RCVRN: variants seen among roughly 807,000 people sequenced by gnomAD.
RCVRN encodes recoverin.
In RCVRN, 23 loss-of-function variants were observed where a neutral mutation model predicts 20.4. The observed-to-expected ratio is 1.13, with a 90% CI of 0.81 to 1.60. The LOEUF (loss-of-function observed/expected upper bound fraction) is 1.60. Among genes scored for constraint, RCVRN ranks in the 40% most tolerant of loss-of-function variants. RCVRN has a pLI of 0.00. For missense variants in RCVRN, 254 were observed against 254.2 expected (o/e 1.00, Z 0.00); for synonymous variants, 105 against 105.9 (o/e 0.99, Z 0.05).
Position 9,898,000 on chromosome 17 carries a change from GCGCGCGCGTGTGTGTGCA to G in RCVRN, c.*77_*94del. 1 of 726,144 alleles carries G rather than the reference GCGCGCGCGTGTGTGTGCA, an allele frequency of 1.4e-6. No individual in the cohort carries two copies. Among genetic ancestry groups the G allele is most frequent in the Non-Finnish European group, 2.5e-6 (1 of 398,756 alleles). The allele number at this position is 726,144 out of a possible 1,614,324, so 45.0% of individuals were successfully genotyped here. On this transcript the variant is annotated 3_prime_UTR_variant, in exon 3 of 3. Coordinates refer to ENST00000226193, the MANE Select transcript of RCVRN (RefSeq NM_002903.3). ...GGGGTGGATGTGTGTGTGTGTGTGT[GCGCGCGCGTGTGTGTGCA>G]TGTGTGTGTGTGTGCACAGGCGCTC... is the stretch of plus-strand genomic sequence containing the variant.
Position 9,897,994 on chromosome 17 carries a change from G to T in RCVRN, c.*101C>A. On this transcript the variant is annotated 3_prime_UTR_variant, in exon 3 of 3. Transcript: ENST00000226193. ...GGCCCTGGGGTGGATGTGTGTGTGT[G>T]TGTGTGCGCGCGCGTGTGTGTGCAT... The T allele has an allele frequency of 1.3e-6, 1 of 753,330 alleles. No individual in the cohort carries two copies. Among genetic ancestry groups the T allele is most frequent in the South Asian group, 1.5e-5 (1 of 66,200 alleles). 46.7% of individuals were successfully genotyped at this position (753,330 alleles called of 1,614,324 possible).
At position 9,899,151 on chromosome 17, in the gene RCVRN, T is replaced by C. The variant is rs2067331366; in HGVS notation, c.494-947A>G. Among the ~76,000 whole-genome samples the C allele has an allele frequency of 6.6e-6, 1 of 152,178 alleles. No homozygotes were observed. The highest frequency in any genetic ancestry group is 1.5e-5 in the Non-Finnish European group (1 of 68,028). ...GACAGATGCTCCTTTCTGTTGTATG[T>C]TCACAGTGCCTAGCACAGAGTCGGT... is the stretch of plus-strand genomic sequence containing the variant. On this transcript the variant is annotated intron_variant, in intron 2 of 2. Transcript: ENST00000226193. The surrounding 1 kb of genome is among the most constrained non-coding windows in gnomAD (Gnocchi z 4.6).
intron 1 of RCVRN, among the ~76,000 whole-genome samples, chr17:9,903,684 G>T (rs990205052): frequency 2.6e-5 from 4 of 152,166 alleles, no homozygotes; most frequent in Non-Finnish European, 4.4e-5. Context: ...GTCACGTGTC[G>T]CTCAGAGACA....
In RCVRN at chr17:9,899,183, CA is replaced by C. The variant is rs2067331492; in HGVS notation, c.494-980del. 6.6e-6 allele frequency among the ~76,000 whole-genome samples: 1 copy of C among 152,212 alleles called. No individual in the cohort carries two copies. Among genetic ancestry groups the C allele is most frequent in the African/African-American group, 2.4e-5 (1 of 41,456 alleles). ...TGCCTAGCACAGAGTCGGTGCTCAA[CA>C]AAGCTTTGCTGAACTGAATGTGATT... is the stretch of plus-strand genomic sequence containing the variant. On this transcript the variant is annotated intron_variant, in intron 2 of 2. Transcript: ENST00000226193. The surrounding 1 kb of genome is among the most constrained non-coding windows in gnomAD (Gnocchi z 4.6).
Position 9,896,940 on chromosome 17 carries a change from T to G in RCVRN, c.*1155A>C, listed in dbSNP as rs896965746. 2 of 152,784 alleles carry G rather than the reference T, an allele frequency of 1.3e-5. No individual in the cohort carries two copies. Among genetic ancestry groups the G allele is most frequent in the African/African-American group, 4.8e-5 (2 of 41,444 alleles). The allele number at this position is 152,784 out of a possible 1,614,324, so 9.5% of individuals were successfully genotyped here. On this transcript the variant is annotated 3_prime_UTR_variant, in exon 3 of 3. Transcript: ENST00000226193. The stretch of plus-strand genomic sequence containing the variant: ...CCTCCTGCCCCCTCAGCCAGCCAGG[T>G]GGATGCTACCTCCTAAATGTGTCCT...
In RCVRN at chr17:9,901,098, A is replaced by G; in HGVS notation, c.384T>C (p.Ala128=). Residue 128 remains alanine (A), a splice_region_variant and synonymous_variant, in exon 2 of 3, where the codon GCT becomes GCC. Coordinates refer to ENST00000226193, the MANE Select transcript of RCVRN (RefSeq NM_002903.3). ...CCTCGGGAGTGATCATTTTGAAAAT[A>G]GCCTGTACCAAACAGAAAGAAAGAA... ...SKNEVLEIVM[A]IFKMITPEDV... 1 of 1,572,954 alleles carries G rather than the reference A, an allele frequency of 6.4e-7. No individual in the cohort carries two copies. Among genetic ancestry groups the G allele is most frequent in the Non-Finnish European group, 8.7e-7 (1 of 1,147,620 alleles).
At chr17:9,903,429 G>C (rs150745320) in intron 1 of RCVRN, among the ~76,000 whole-genome samples, 3 of 152,220 alleles carry the variant, frequency 2.0e-5, no homozygotes, top group Non-Finnish European at 4.4e-5. Context: ...GAGCCACGCC[G>C]CGCGTGGGAA....
chr17:9,897,903 G>C lies in RCVRN; in HGVS notation c.*192C>G, dbSNP rs934111834. ...AAGACCCAGGAAGAAGGAACCAGTGGGTCACTACAGATGCTTCAGTTTGGC... is the reference window on the plus strand; with the variant it reads ...AAGACCCAGGAAGAAGGAACCAGTGCGTCACTACAGATGCTTCAGTTTGGC... On this transcript the variant is annotated 3_prime_UTR_variant, in exon 3 of 3. Coordinates refer to ENST00000226193, the MANE Select transcript of RCVRN (RefSeq NM_002903.3). 1 of 578,756 alleles carries C rather than the reference G, an allele frequency of 1.7e-6. No individual in the cohort carries two copies. Among genetic ancestry groups the C allele is most frequent in the Non-Finnish European group, 3.1e-6 (1 of 323,388 alleles). The allele number at this position is 578,756 out of a possible 1,614,324, so 35.9% of individuals were successfully genotyped here.
chr17:9,904,987 T>C lies in RCVRN; in HGVS notation c.194A>G (p.Tyr65Cys), dbSNP rs1268046071. 1.2e-6 allele frequency: 2 copies of C among 1,613,988 alleles called. No individual in the cohort carries two copies. The highest frequency in any genetic ancestry group is 1.1e-5 in the South Asian group (1 of 91,076). ...GAAGCTGCGGAACACATGCTGGGCG[T>C]AGGCCTTGGGGTCGGTGTCGGGGAA... ...KFFPDTDPKA[Y>C]AQHVFRSFDS... Residue 65 changes from tyrosine to cysteine, a missense_variant, in exon 1 of 3, where the codon TAC (tyrosine) becomes TGC (cysteine). Physicochemically the swap from Tyr to Cys is radical, Grantham distance 194. Coordinates refer to ENST00000226193, the MANE Select transcript of RCVRN (RefSeq NM_002903.3). This position sits in a 1 kb window ranked among gnomAD's most constrained non-coding sequence, Gnocchi z 5.8.
intron 1 of RCVRN, among the ~76,000 whole-genome samples, chr17:9,903,042 A>G (rs577309167): frequency 6.6e-6 from 1 of 152,232 alleles, no homozygotes. Flanking sequence ...GAAAGCACTC[A>G]TGATAAAAGA....
rs767362088 is a variant in RCVRN, at chr17:9,898,050, G to A, written c.*45C>T. The A allele has an allele frequency of 3.1e-6, 4 of 1,280,218 alleles. No homozygotes were observed. The highest frequency in any genetic ancestry group is 1.8e-4 in the Middle Eastern group (1 of 5,424). 79.3% of individuals were successfully genotyped at this position (1,280,218 alleles called of 1,614,324 possible). ...TGTGTGTGCACAGGCGCTCACGGGT[G>A]TCATGTGAGTGGTAGGTGGAGGGAG... On this transcript the variant is annotated 3_prime_UTR_variant, in exon 3 of 3. Transcript: ENST00000226193.
Position 9,904,839 on chromosome 17 carries a change from G to A in RCVRN, c.342C>T (p.Asn114=), listed in dbSNP as rs774955868. ...GCACTTCATTCTTGCTGATGGTCCC[G>A]TTACCGTCCACGTCGTAGAGGGAGA... ...WAFSLYDVDG[N]GTISKNEVLE... The change falls in exon 1 of 3, where the codon AAC becomes AAT. Residue 114 remains asparagine, a synonymous_variant. Coordinates refer to ENST00000226193, the MANE Select transcript of RCVRN (RefSeq NM_002903.3). This position sits in a 1 kb window ranked among gnomAD's most constrained non-coding sequence, Gnocchi z 5.8. The A allele has an allele frequency of 1.5e-5, 24 of 1,614,058 alleles. No individual in the cohort carries two copies. Among genetic ancestry groups the A allele is most frequent in the Non-Finnish European group, 1.9e-5 (23 of 1,180,046 alleles).
chr17:9,903,155 T>C (rs984396753), intron 1 of RCVRN, among the ~76,000 whole-genome samples: 2 of 152,242 alleles, frequency 1.3e-5, no homozygotes, highest in Admixed American at 6.5e-5. Flanking sequence ...TATACTGATA[T>C]ACTAAGAAAA....
At position 9,905,167 on chromosome 17, in the gene RCVRN, T is replaced by C; in HGVS notation, c.14A>G (p.Lys5Arg). The change falls in exon 1 of 3, where the codon AAA (lysine) becomes AGA (arginine). Residue 5 changes from lysine to arginine, a missense_variant. Transcript: ENST00000226193. The part of the protein sequence containing the change: MGNS[K>R]SGALSKEILE... ...GATCTCCTTGGACAGGGCCCCACTT[T>C]TGCTGTTCCCCATGAGTGAGGAAGA... The C allele has an allele frequency of 6.2e-7, 1 of 1,609,380 alleles. No individual in the cohort carries two copies. The highest frequency in any genetic ancestry group is 8.5e-7 in the Non-Finnish European group (1 of 1,178,304).
At chr17:9,901,143 A>G in intron 1 of RCVRN, 43 bp from the exon 2 acceptor site, 1 of 1,135,438 alleles carries the variant, frequency 8.8e-7, no homozygotes, top group South Asian at 1.4e-5. Context: ...AGGAACTTTA[A>G]GGGGCTGGCA....
In RCVRN at chr17:9,904,980, C is replaced by T. The variant is rs772356479; in HGVS notation, c.201G>A (p.Gln67=). The change falls in exon 1 of 3, where the codon CAG becomes CAA. Residue 67 remains glutamine (Q), a synonymous_variant. Coordinates refer to ENST00000226193, the MANE Select transcript of RCVRN (RefSeq NM_002903.3). The surrounding 1 kb of genome is among the most constrained non-coding windows in gnomAD (Gnocchi z 5.8). ...TGGAATCGAAGCTGCGGAACACATG[C>T]TGGGCGTAGGCCTTGGGGTCGGTGT... ...FPDTDPKAYA[Q]HVFRSFDSNL... 1 of 1,614,214 alleles carries T rather than the reference C, an allele frequency of 6.2e-7. No homozygotes were observed. Among genetic ancestry groups the T allele is most frequent in the Non-Finnish European group, 8.5e-7 (1 of 1,180,044 alleles).
In RCVRN at chr17:9,896,644, G is replaced by C. The variant is rs1158396067; in HGVS notation, c.*1451C>G. ...TGGAGCTTTGAGGAGGCAGTTGGGG[G>C]CCGGTGGGTAGCCCTTGCCTGACCT... On this transcript the variant is annotated 3_prime_UTR_variant, in exon 3 of 3. Coordinates refer to ENST00000226193, the MANE Select transcript of RCVRN (RefSeq NM_002903.3). The C allele has an allele frequency of 6.6e-6, 1 of 152,246 alleles. No individual in the cohort carries two copies. The highest frequency in any genetic ancestry group is 2.4e-5 in the African/African-American group (1 of 41,456). 9.4% of individuals were successfully genotyped at this position (152,246 alleles called of 1,614,324 possible). A position where few individuals can be genotyped will look rare whatever the true frequency, so the allele number is the denominator to read the frequency against.
In RCVRN at chr17:9,905,135, C is replaced by T. The variant is rs1483251494; in HGVS notation, c.46G>A (p.Glu16Lys). The change falls in exon 1 of 3, where the codon GAG becomes AAG. Residue 16 changes from glutamate (E) to lysine (K), a missense_variant. Glu to Lys is a moderately conservative substitution (Grantham distance 56). Coordinates refer to ENST00000226193, the MANE Select transcript of RCVRN (RefSeq NM_002903.3). ...SGALSKEILE[E>K]LQLNTKFSEE... is the part of the protein sequence containing the mutation. ...GAGAACTTGGTGTTCAGCTGCAGCT[C>T]CTCCAGGATCTCCTTGGACAGGGCC... 2 of 1,610,840 alleles carry T rather than the reference C, an allele frequency of 1.2e-6. No homozygotes were observed. Among genetic ancestry groups the T allele is most frequent in the Middle Eastern group, 1.6e-4 (1 of 6,062 alleles).
Position 9,898,119 on chromosome 17 carries a change from C to T in RCVRN, c.579G>A (p.Val193=). The change falls in exon 3 of 3, where the codon GTG becomes GTA. Residue 193 remains valine (V), a synonymous_variant. Coordinates refer to ENST00000226193, the MANE Select transcript of RCVRN (RefSeq NM_002903.3). ...ATCAGGCGTTCTTCATCTTTTCCTT[C>T]ACTTTTTGAGGCTCAAACTGGATCA... ...LRLIQFEPQK[V]KEKMKNA The T allele has an allele frequency of 6.2e-7, 1 of 1,613,826 alleles. No homozygotes were observed. The highest frequency in any genetic ancestry group is 8.5e-7 in the Non-Finnish European group (1 of 1,179,736).
Sources: gnomAD v4.1 joint callset for allele counts (sites outside exome capture counted in the v4.1 genomes callset) on GRCh38, gnomAD v4.1.1 for gene constraint, Gnocchi (gnomAD v3.1) non-coding constraint, MANE v1.5 for transcripts, NCBI Gene and HGNC (gene_info 2026-07-23, HGNC 2026-07-21) for gene names.